The following ACVR1 variants were observed in gnomAD, a reference collection of about 807,000 sequenced individuals.
ACVR1 encodes the protein activin receptor type-1.
ACVR1 carries 38 observed loss-of-function variants against 57.1 expected under a neutral mutation model. That is an observed-to-expected ratio of 0.67 (90% confidence interval 0.51 to 0.87). The LOEUF is 0.87. ACVR1 is among the 40% of genes least tolerant of loss of function. The pLI, the probability that ACVR1 is intolerant of heterozygous loss-of-function variation, is 0.00. For missense variants in ACVR1, 463 were observed against 638.2 expected, an observed-to-expected ratio of 0.73 and a Z score of 2.96; for synonymous variants, 212 against 228.1, an observed-to-expected ratio of 0.93 and a Z score of 0.63.
At chr2:157,762,199 C>T (rs577397325) in intron 8 of ACVR1, among the ~76,000 whole-genome samples, 2 of 152,228 alleles carry the variant, frequency 1.3e-5, no homozygotes, top group African/African-American at 4.8e-5. Flanking sequence ...TTCAGTTACC[C>T]GCAGTCAACT....
intron 7 of ACVR1, among the ~76,000 whole-genome samples, chr2:157,769,379 T>C (rs1166609787): frequency 6.6e-6 from 1 of 152,116 alleles, no homozygotes; most frequent in Non-Finnish European, 1.5e-5. Flanking sequence ...AAGGGAAAGC[T>C]GACAGCTGAG....
intron 10 of ACVR1, 90 bp downstream of exon 10, chr2:157,738,350 C>A: frequency 6.4e-7 from 1 of 1,571,116 alleles, no homozygotes; most frequent in East Asian, 2.2e-5. Context: ...CGGGACAGAT[C>A]ACTCAGATGC....
At chr2:157,799,557 C>T (rs1687250629) in intron 2 of ACVR1, 57 bp from the exon 3 acceptor site, 2 of 1,347,602 alleles carry the variant, frequency 1.5e-6, no homozygotes, top group Admixed American at 1.7e-5. Flanking sequence ...TGCAGGAAGA[C>T]AAATTAAGCA....
In ACVR1 at chr2:157,738,425, AACTGGCATTCTT is replaced by A. The variant is rs773595846; in HGVS notation, c.1395+3_1395+14del. 1 of 1,614,040 alleles carries A rather than the reference AACTGGCATTCTT, an allele frequency of 6.2e-7. No individual in the cohort carries two copies. The highest frequency in any genetic ancestry group is 8.5e-7 in the Non-Finnish European group (1 of 1,179,894). On this transcript the variant is annotated splice_donor_5th_base_variant and intron_variant, in intron 10 of 10. Coordinates refer to ENST00000434821, the MANE Select transcript of ACVR1 (RefSeq NM_001111067.4). ...ATGGAAAAGAGCTCTAAAACTGAGA[AACTGGCATTCTT>A]ACCGGGTCTGAGAACCATCTGTTGG...
At chr2:157,823,461 C>T (rs1206750971) in intron 1 of ACVR1, among the ~76,000 whole-genome samples, 3 of 151,766 alleles carry the variant, frequency 2.0e-5, no homozygotes, top group East Asian at 1.9e-4. Context: ...AAAAAAAAGC[C>T]GGGGAACGAG....
chr2:157,791,410 T>C (rs1686907428), intron 3 of ACVR1, among the ~76,000 whole-genome samples: 2 of 152,254 alleles, frequency 1.3e-5, no homozygotes, highest in Non-Finnish European at 1.5e-5. Flanking sequence ...ATAATTATTA[T>C]TCTAGCCAAC....
intron 2 of ACVR1, among the ~76,000 whole-genome samples, chr2:157,814,208 C>T (rs181474221): frequency 6.6e-5 from 10 of 152,096 alleles, no homozygotes; most frequent in South Asian, 2.1e-4. Context: ...AAATGGCCAA[C>T]GGAGAAAAAT....
At chr2:157,824,020 T>C (rs1421017963) in intron 1 of ACVR1, among the ~76,000 whole-genome samples, 1 of 152,192 alleles carries the variant, frequency 6.6e-6, no homozygotes. Context: ...ATGAAGTACA[T>C]GGCACTCAGT....
intron 1 of ACVR1, among the ~76,000 whole-genome samples, chr2:157,851,640 C>CA (rs1310387878): frequency 6.6e-6 from 1 of 151,902 alleles, no homozygotes; most frequent in Non-Finnish European, 1.5e-5. Flanking sequence ...TATTATAGGC[C>CA]AAAAAACCCT....
intron 1 of ACVR1, among the ~76,000 whole-genome samples, chr2:157,840,279 A>C (rs1688933298): frequency 6.6e-6 from 1 of 152,180 alleles, no homozygotes. Context: ...ACAGAATGGC[A>C]GCCATTCCAT....
chr2:157,743,003 C>A (rs1684837721), intron 9 of ACVR1, among the ~76,000 whole-genome samples: 1 of 152,134 alleles, frequency 6.6e-6, no homozygotes, highest in Non-Finnish European at 1.5e-5. Context: ...TGGGAGCCCA[C>A]TCCCTCCCCA....
At chr2:157,822,296 T>C (rs989226883) in intron 1 of ACVR1, among the ~76,000 whole-genome samples, 4 of 152,230 alleles carry the variant, frequency 2.6e-5, no homozygotes, top group Non-Finnish European at 4.4e-5. Context: ...TCCTTTTCCA[T>C]GAAATGGGGT....
chr2:157,797,604 A>G (rs544806377), intron 3 of ACVR1, among the ~76,000 whole-genome samples: 54 of 152,296 alleles, frequency 3.5e-4, no homozygotes, highest in African/African-American at 1.1e-3. Flanking sequence ...AGTAACTTTT[A>G]CTATCTTTCT....
intron 1 of ACVR1, among the ~76,000 whole-genome samples, chr2:157,830,132 T>C (rs144494257): frequency 0.036 from 5,466 of 152,218 alleles, 136 homozygotes; most frequent in Admixed American, 0.051. Context: ...GGCAGGAGAA[T>C]TGCTTGAACC....
intron 1 of ACVR1, among the ~76,000 whole-genome samples, chr2:157,859,647 A>T (rs755353367): frequency 6.6e-6 from 1 of 152,028 alleles, no homozygotes; most frequent in Non-Finnish European, 1.5e-5. Context: ...CACCCTACAG[A>T]TCAGATCAAT....
At chr2:157,816,429 A>C (rs1206284676) in intron 2 of ACVR1, among the ~76,000 whole-genome samples, 1 of 142,008 alleles carries the variant, frequency 7.0e-6, no homozygotes, top group African/African-American at 3.1e-5. Flanking sequence ...AAAAAAAAAA[A>C]CAAACGACAA....
In ACVR1 at chr2:157,858,570, C is replaced by G. The variant is rs546941929; in HGVS notation, c.-183+17226G>C. 4.3e-4 allele frequency among the ~76,000 whole-genome samples: 65 copies of G among 152,246 alleles called. 1 individual carries two copies. The highest frequency in any genetic ancestry group is 1.4e-3 in the African/African-American group (57 of 41,554). ...CACTGCAACCTCCATCTTGAGGGTT[C>G]AAGAGATTCTCCTGCCTCGGCCTCC... On this transcript the variant is annotated intron_variant, in intron 1 of 10. Transcript: ENST00000434821.
intron 1 of ACVR1, among the ~76,000 whole-genome samples, chr2:157,839,210 T>C (rs1320869773): frequency 6.6e-6 from 1 of 152,238 alleles, no homozygotes; most frequent in Non-Finnish European, 1.5e-5. Flanking sequence ...CTCAGTAACC[T>C]GATCCTCTCA....
At position 157,806,297 on chromosome 2, in the gene ACVR1, C is replaced by G. The variant is rs566830067; in HGVS notation, c.-7-6797G>C. ...TTCATATTACTCTGTGACCCCCAAT[C>G]ATCTCCTCCCTCCCACTGCCCCCAG... On this transcript the variant is annotated intron_variant, in intron 2 of 10. Coordinates refer to ENST00000434821, the MANE Select transcript of ACVR1 (RefSeq NM_001111067.4). Among the ~76,000 whole-genome samples, 38 of 152,182 alleles carry G rather than the reference C, an allele frequency of 2.5e-4. No homozygotes were observed. The South Asian group carries it at 7.9e-3, about 32-fold the overall frequency.
Sources: allele counts gnomAD v4.1 joint callset (sites outside exome capture counted in the v4.1 genomes callset), GRCh38; gene constraint gnomAD v4.1.1; transcripts MANE v1.5; gene names NCBI Gene and HGNC (gene_info 2026-07-23, HGNC 2026-07-21).